Variants in CEP162 observed in about 807,000 individuals in gnomAD.
CEP162 encodes the protein centrosomal protein of 162 kDa.
A neutral mutation model predicts 169.2 loss-of-function variants in CEP162; 141 were observed. The observed-to-expected ratio is 0.83, with a 90% CI of 0.73 to 0.96. The LOEUF (loss-of-function observed/expected upper bound fraction) is 0.96, where lower values mean the gene tolerates loss of function less well. CEP162 is among the 40% of genes least tolerant of loss of function. The probability of loss-of-function intolerance (pLI) is 0.00; values close to 1 mark genes in which losing one functional copy is unlikely to be tolerated. For synonymous variants in CEP162, 540 were observed against 526.4 expected, an observed-to-expected ratio of 1.03 and a Z score of -0.35; for missense variants, 1,600 against 1,587.2, an observed-to-expected ratio of 1.01 and a Z score of -0.14.
chr6:84,149,399 A>G (rs948857305), intron 24 of CEP162, among the ~76,000 whole-genome samples, 163 bp downstream of exon 24: 3 of 152,012 alleles, frequency 2.0e-5, no homozygotes, highest in Non-Finnish European at 4.4e-5. Flanking sequence ...AATATATAGT[A>G]TTATCTTCTT....
At chr6:84,154,358 G>A (rs143290421) in intron 22 of CEP162, among the ~76,000 whole-genome samples, 2,719 of 149,686 alleles carry the variant, frequency 0.018, 85 homozygotes, top group African/African-American at 0.063. Context: ...CTGTCTGTCT[G>A]TCTATCTATC....
rs2099536620 is a variant in CEP162, at chr6:84,185,239, T to C, written c.1611A>G (p.Ile537Met). ...AAATCGATCTCAAGTTTTTGCTTTT[T>C]ATAATGTCCTCTGAAGTTTTCTTTT... is the stretch of plus-strand genomic sequence containing the variant. The part of the protein sequence containing the change: ...TLEKKTSEDI[I>M]KSKNLRSIST... The change falls in exon 13 of 27, where the codon ATA (isoleucine) becomes ATG (methionine). Residue 537 changes from isoleucine to methionine, a missense_variant. Ile to Met is a conservative substitution (Grantham distance 10). Transcript: ENST00000403245. 6.2e-7 allele frequency: 1 copy of C among 1,613,454 alleles called. No homozygotes were observed. The highest frequency in any genetic ancestry group is 1.1e-5 in the South Asian group (1 of 91,064).
intron 6 of CEP162, among the ~76,000 whole-genome samples, chr6:84,209,771 A>G (rs1393545202): frequency 6.6e-6 from 1 of 152,228 alleles, no homozygotes; most frequent in Non-Finnish European, 1.5e-5. Flanking sequence ...AGCATTCATC[A>G]AAACTACATT....
At chr6:84,184,350 C>G (rs541129292) in intron 13 of CEP162, among the ~76,000 whole-genome samples, 1 of 152,162 alleles carries the variant, frequency 6.6e-6, no homozygotes, top group Non-Finnish European at 1.5e-5. Context: ...TTTACAGCAG[C>G]TATCTGCAGC....
intron 8 of CEP162, among the ~76,000 whole-genome samples, 170 bp from the exon 9 acceptor site, chr6:84,201,075 G>A (rs541987268): frequency 4.6e-5 from 7 of 152,126 alleles, no homozygotes; most frequent in African/African-American, 1.2e-4. Context: ...TCAGGAGATC[G>A]AGACCATCCT....
Position 84,168,789 on chromosome 6 carries a change from T to A in CEP162, c.2385+539A>T, listed in dbSNP as rs181173768. 2.6e-3 allele frequency among the ~76,000 whole-genome samples: 403 copies of A among 152,288 alleles called. 2 individuals are homozygous for A. Among genetic ancestry groups the A allele is most frequent in the African/African-American group, 9.4e-3 (392 of 41,548 alleles). ...AGGCCATATTCTTTATAATACAATTTAATAAACATAAAAAAGTTATGGAAC... is the reference window on the plus strand; with the variant it reads ...AGGCCATATTCTTTATAATACAATTAAATAAACATAAAAAAGTTATGGAAC... On this transcript the variant is annotated intron_variant, in intron 18 of 26. Coordinates refer to ENST00000403245, the MANE Select transcript of CEP162 (RefSeq NM_014895.4).
At chr6:84,181,190 T>C (rs561471588) in intron 13 of CEP162, among the ~76,000 whole-genome samples, 4 of 152,082 alleles carry the variant, frequency 2.6e-5, no homozygotes, top group African/African-American at 9.6e-5. Context: ...ACCTCAGAAA[T>C]AATACCACAC....
At position 84,170,460 on chromosome 6, in the gene CEP162, G is replaced by T. The variant is rs554752927; in HGVS notation, c.2280-1027C>A. Among the ~76,000 whole-genome samples the T allele has an allele frequency of 2.6e-5, 4 of 150,982 alleles. No homozygotes were observed. In the South Asian group the frequency reaches 8.4e-4, roughly 32 times the overall value. ...TGCAGATTATCACACATGGCCTGGG[G>T]TTACACTTACCAACTTACAAGGAGA... is the stretch of plus-strand genomic sequence containing the variant. On this transcript the variant is annotated intron_variant, in intron 17 of 26. Coordinates refer to ENST00000403245, the MANE Select transcript of CEP162 (RefSeq NM_014895.4).
rs1240777627 is a variant in CEP162 at position 84,160,908 on chromosome 6, T to C, written c.2685A>G (p.Lys895=). The C allele has an allele frequency of 2.5e-6, 4 of 1,601,112 alleles. No individual in the cohort carries two copies. The African/African-American group carries it at 5.4e-5, about 21-fold the overall frequency. The stretch of plus-strand genomic sequence containing the variant: ...ATGGATTCCCAGATTCAGCTTTCAG[T>C]TTCTCAATCTGTCAATAAATAAATA... ...EIEKLKLEIE[K]LKAESGNPSI... is the part of the protein sequence containing the mutation. The change falls in exon 21 of 27, where the codon AAA becomes AAG. Residue 895 remains lysine (K), a synonymous_variant. Transcript: ENST00000403245.
intron 3 of CEP162, among the ~76,000 whole-genome samples, chr6:84,219,542 G>T (rs1310599685): frequency 6.6e-6 from 1 of 152,110 alleles, no homozygotes; most frequent in Non-Finnish European, 1.5e-5. Context: ...AATTCCAACA[G>T]TACTTCATCT....
chr6:84,188,103 C>CAACAAAA, intron 11 of CEP162, among the ~76,000 whole-genome samples: 1 of 80,590 alleles, frequency 1.2e-5, no homozygotes, highest in African/African-American at 4.3e-5. Context: ...GACTCCGTCT[C>CAACAAAA]AAAAAAAAAA....
chr6:84,222,845 A>G (rs1422037146), intron 2 of CEP162, among the ~76,000 whole-genome samples: 1 of 152,270 alleles, frequency 6.6e-6, no homozygotes, highest in Non-Finnish European at 1.5e-5. Flanking sequence ...AAGAATGTCA[A>G]TTTAAAAATG....
chr6:84,126,303 A>T, intron 26 of CEP162, 75 bp downstream of exon 26: 1 of 1,098,758 alleles, frequency 9.1e-7, no homozygotes, highest in Non-Finnish European at 1.2e-6. Flanking sequence ...TTTGCTAGGG[A>T]TGACAAAACT....
At position 84,194,812 on chromosome 6, in the gene CEP162, TTAATTA is replaced by T. The variant is rs1206019031; in HGVS notation, c.1027+66_1027+71del. ...AACAATCACTACAGCAAATTGTATT[TTAATTA>T]TATTACACTAAAAACTCTTTAGAAA... On this transcript the variant is annotated intron_variant, in intron 10 of 26. Coordinates refer to ENST00000403245, the MANE Select transcript of CEP162 (RefSeq NM_014895.4). The T allele has an allele frequency of 1.6e-5, 18 of 1,150,162 alleles. No homozygotes were observed. In the African/African-American group the frequency reaches 2.9e-4, roughly 18 times the overall value. 71.2% of individuals were successfully genotyped at this position (1,150,162 alleles called of 1,614,324 possible).
intron 25 of CEP162, among the ~76,000 whole-genome samples, chr6:84,134,596 G>T (rs917417825): frequency 1.3e-5 from 2 of 152,060 alleles, no homozygotes; most frequent in African/African-American, 2.4e-5. Flanking sequence ...TTGGCTAGGG[G>T]AGGGAGTTCC....
At position 84,194,354 on chromosome 6, in the gene CEP162, C is replaced by CAA. The variant is rs569413628; in HGVS notation, c.1027+528_1027+529dup. Among the ~76,000 whole-genome samples the CAA allele has an allele frequency of 2.0e-3, 192 of 93,800 alleles. 3 individuals are homozygous for CAA. The South Asian group carries it at 0.041, about 20-fold the overall frequency. The allele number at this position is 93,800 out of a possible 152,430, so 61.5% of individuals were successfully genotyped here. On this transcript the variant is annotated intron_variant, in intron 10 of 26. Coordinates refer to ENST00000403245, the MANE Select transcript of CEP162 (RefSeq NM_014895.4). Reference sequence around the variant, plus strand: ...TGGGCGACAGAGCAAGACTCCGTCTCAAAAAAAAAAAAAGAAAAGAAAAGA... The same window carrying CAA: ...TGGGCGACAGAGCAAGACTCCGTCTCAAAAAAAAAAAAAAAGAAAAGAAAAGA...
At chr6:84,183,012 T>C (rs559587724) in intron 13 of CEP162, among the ~76,000 whole-genome samples, 1 of 151,994 alleles carries the variant, frequency 6.6e-6, no homozygotes, top group Non-Finnish European at 1.5e-5. Context: ...TGAATAAAAC[T>C]AAAACTTCTC....
rs770179950 is a variant in CEP162 at position 84,171,364 on chromosome 6, G to A, written c.2279+242C>T. Among the ~76,000 whole-genome samples the A allele has an allele frequency of 1.3e-3, 198 of 152,228 alleles. 3 individuals are homozygous for A. The highest frequency in any genetic ancestry group is 1.7e-3 in the Admixed American group (26 of 15,290). ...TTTCCTGAAACTGATGTTTGAATCA[G>A]TTATGAACATAAATTCATATGAATT... On this transcript the variant is annotated intron_variant, in intron 17 of 26. Coordinates refer to ENST00000403245, the MANE Select transcript of CEP162 (RefSeq NM_014895.4).
chr6:84,177,129 T>C (rs983110242), intron 13 of CEP162, among the ~76,000 whole-genome samples: 1 of 152,182 alleles, frequency 6.6e-6, no homozygotes, highest in African/African-American at 2.4e-5. Context: ...AAATGCTAAA[T>C]GGCCATGTGT....
Sources: gnomAD v4.1 joint callset for allele counts (sites outside exome capture counted in the v4.1 genomes callset) on GRCh38, gnomAD v4.1.1 for gene constraint, MANE v1.5 for transcripts, NCBI Gene and HGNC (gene_info 2026-07-23, HGNC 2026-07-21) for gene names.